Variants in ATP8A2 observed in about 807,000 individuals in gnomAD.
The protein encoded by ATP8A2 is ATPase phospholipid transporting 8A2.
ATP8A2 carries 100 observed loss-of-function variants against 165.6 expected under a neutral mutation model. The ratio of observed to expected loss-of-function variants is 0.60; its 90% CI spans 0.51 to 0.71. ATP8A2 has a LOEUF of 0.71. ATP8A2 is among the 30% of genes least tolerant of loss of function. The pLI is 0.00. For synonymous variants in ATP8A2, 543 were observed against 548.8 expected, an observed-to-expected ratio of 0.99 and a Z score of 0.15; for missense variants, 1,227 against 1,479.5, an observed-to-expected ratio of 0.83 and a Z score of 2.80.
chr13:25,444,275 C>A (rs960300345), intron 1 of ATP8A2, among the ~76,000 whole-genome samples: 2 of 152,124 alleles, frequency 1.3e-5, no homozygotes, highest in African/African-American at 4.8e-5. Flanking sequence ...GTGATTGATC[C>A]CCACCTGTTT....
At chr13:25,718,975 A>G (rs3117860) in intron 25 of ATP8A2, among the ~76,000 whole-genome samples, 36,815 of 151,924 alleles carry the variant, frequency 0.24, 6,700 homozygotes, top group African/African-American at 0.51. Context: ...CACCAGTGGC[A>G]TTTTCTGCAT....
At chr13:25,886,769 G>C (rs774602047) in intron 33 of ATP8A2, among the ~76,000 whole-genome samples, 1 of 152,162 alleles carries the variant, frequency 6.6e-6, no homozygotes, top group South Asian at 2.1e-4. Context: ...CAGAGGGAGC[G>C]CCAGAGATTA....
At chr13:25,647,568 A>C (rs1012700541) in intron 24 of ATP8A2, among the ~76,000 whole-genome samples, 4 of 152,284 alleles carry the variant, frequency 2.6e-5, no homozygotes, top group African/African-American at 9.6e-5. Context: ...TATGTGTGTT[A>C]GTGAATGCCT....
intron 25 of ATP8A2, among the ~76,000 whole-genome samples, chr13:25,741,874 A>C (rs1269299389): frequency 6.6e-6 from 1 of 152,188 alleles, no homozygotes; most frequent in Non-Finnish European, 1.5e-5. Context: ...CCTGAGCCTG[A>C]GTCTATAATG....
intron 27 of ATP8A2, among the ~76,000 whole-genome samples, chr13:25,783,967 G>C (rs1041072334): frequency 1.3e-5 from 2 of 152,112 alleles, no homozygotes; most frequent in Non-Finnish European, 2.9e-5. Flanking sequence ...GGGGTGAGAG[G>C]ACAGGGAAGA....
chr13:25,516,602 T>C (rs1593442905), intron 2 of ATP8A2, among the ~76,000 whole-genome samples: 1 of 152,242 alleles, frequency 6.6e-6, no homozygotes, highest in African/African-American at 2.4e-5. Context: ...CCTGTACTTG[T>C]TGAGGCCAGA....
chr13:25,991,876 G>C (rs1956403256), intron 35 of ATP8A2, among the ~76,000 whole-genome samples: 1 of 147,890 alleles, frequency 6.8e-6, no homozygotes. Flanking sequence ...CAATAGCTGG[G>C]TTTATAGTAG....
chr13:25,728,767 C>T (rs1010327990), intron 25 of ATP8A2, among the ~76,000 whole-genome samples: 8 of 152,088 alleles, frequency 5.3e-5, no homozygotes, highest in African/African-American at 9.7e-5. Context: ...CTGTTTTACC[C>T]CTGCAGACTT....
intron 1 of ATP8A2, among the ~76,000 whole-genome samples, chr13:25,466,332 A>G (rs2035667577): frequency 6.6e-6 from 1 of 151,964 alleles, no homozygotes; most frequent in Admixed American, 6.6e-5. Flanking sequence ...CTTGCCCACA[A>G]TGCCCTTCCC....
At chr13:25,418,164 A>G (rs9581341) in intron 1 of ATP8A2, among the ~76,000 whole-genome samples, 40,590 of 152,040 alleles carry the variant, frequency 0.27, 5,632 homozygotes, top group East Asian at 0.46. Context: ...TGACCAGGAC[A>G]TAGCTCCCAA....
chr13:25,732,233 T>C (rs529177347), intron 25 of ATP8A2, among the ~76,000 whole-genome samples: 2 of 152,348 alleles, frequency 1.3e-5, no homozygotes, highest in South Asian at 2.1e-4. Flanking sequence ...TCTGGGCTGT[T>C]ATCTCCAATA....
intron 24 of ATP8A2, among the ~76,000 whole-genome samples, chr13:25,664,045 C>T (rs1300141628): frequency 2.0e-5 from 3 of 151,820 alleles, no homozygotes; most frequent in Non-Finnish European, 4.4e-5. Context: ...CCCGTCTCTA[C>T]AAAAAATACA....
At chr13:25,675,207 T>C (rs1015114430) in intron 24 of ATP8A2, among the ~76,000 whole-genome samples, 1 of 152,224 alleles carries the variant, frequency 6.6e-6, no homozygotes, top group South Asian at 2.1e-4. Context: ...GTTACCTCTA[T>C]AGTGTCAGCT....
At chr13:25,538,286 C>T (rs367783549) in intron 7 of ATP8A2, among the ~76,000 whole-genome samples, 11 of 152,162 alleles carry the variant, frequency 7.2e-5, no homozygotes, top group African/African-American at 2.4e-4. Context: ...GTTGACTCCA[C>T]TTAGTCTCCT....
intron 24 of ATP8A2, among the ~76,000 whole-genome samples, chr13:25,630,080 C>CT (rs1208578910): frequency 7.5e-6 from 1 of 132,992 alleles, no homozygotes; most frequent in Non-Finnish European, 1.7e-5. Flanking sequence ...CCTTTTTGTC[C>CT]CCCCCCCACC....
At chr13:25,852,342 T>C (rs2138715128) in intron 30 of ATP8A2, among the ~76,000 whole-genome samples, 1 of 152,244 alleles carries the variant, frequency 6.6e-6, no homozygotes, top group Non-Finnish European at 1.5e-5. Flanking sequence ...AGACAAAGAA[T>C]TATCTGGCCC....
chr13:25,378,576 C>A (rs926159829), intron 1 of ATP8A2, among the ~76,000 whole-genome samples: 6 of 152,140 alleles, frequency 3.9e-5, no homozygotes, highest in African/African-American at 1.2e-4. Flanking sequence ...CACTGGAGTT[C>A]TCACTTCAGA....
At chr13:25,536,998 T>A (rs2038307059) in intron 6 of ATP8A2, among the ~76,000 whole-genome samples, 1 of 152,238 alleles carries the variant, frequency 6.6e-6, no homozygotes, top group African/African-American at 2.4e-5. Flanking sequence ...CACACGGCTA[T>A]AAAGCTAGGA....
At chr13:26,019,567 T>G (rs1317011073) in intron 36 of ATP8A2, among the ~76,000 whole-genome samples, 1 of 151,512 alleles carries the variant, frequency 6.6e-6, no homozygotes, top group Non-Finnish European at 1.5e-5. Flanking sequence ...GAAAGTGGAG[T>G]CGGGGACCAG....
Sources: allele counts gnomAD v4.1 joint callset (sites outside exome capture counted in the v4.1 genomes callset), GRCh38; gene constraint gnomAD v4.1.1; transcripts MANE v1.5; gene names NCBI Gene and HGNC (gene_info 2026-07-23, HGNC 2026-07-21).